The following PLAAT3 variants were observed in gnomAD, a reference collection of about 807,000 sequenced individuals.
The protein encoded by PLAAT3 is phospholipase A and acyltransferase 3.
Under a neutral mutation model 16.7 loss-of-function variants are expected in PLAAT3, and 21 were observed. The observed-to-expected ratio is 1.26, with a 90% CI of 0.89 to 1.81. PLAAT3 has a LOEUF of 1.81. PLAAT3 is among the 40% of genes most tolerant of loss of function. The pLI is 0.00. For missense variants in PLAAT3, 219 were observed against 213.7 expected (o/e 1.02, Z -0.16); for synonymous variants, 76 against 81.7 (o/e 0.93, Z 0.38).
intron 2 of PLAAT3, among the ~76,000 whole-genome samples, chr11:63,600,594 TTTG>T (rs1341223368): frequency 6.6e-6 from 1 of 151,146 alleles, no homozygotes. Context: ...TTTTTTTTGT[TTTG>T]TTTTGTTTTG....
chr11:63,584,701 G>A (rs1017574063), intron 4 of PLAAT3, among the ~76,000 whole-genome samples: 26 of 151,868 alleles, frequency 1.7e-4, no homozygotes, highest in Non-Finnish European at 2.9e-4. Flanking sequence ...TAGTAGAGAC[G>A]GGGTTTCACC....
At position 63,590,123 on chromosome 11, in the gene PLAAT3, A is replaced by G. The variant is rs989650040; in HGVS notation, c.364T>C (p.Tyr122His). The change falls in exon 4 of 5, where the codon TAT (tyrosine) becomes CAT (histidine). Residue 122 changes from tyrosine (Y) to histidine (H), a missense_variant. Physicochemically the swap from Tyr to His is moderately conservative, Grantham distance 83. Coordinates refer to ENST00000415826, the MANE Select transcript of PLAAT3 (RefSeq NM_001128203.2). ...NCEHFVNELR[Y>H]GVARSDQVRD... ...ACCTGGTCACTGCGGGCGACTCCAT[A>G]GCGCAGCTCATTCACAAAGTGCTCG... The G allele has an allele frequency of 6.2e-7, 1 of 1,614,046 alleles. No homozygotes were observed. Among genetic ancestry groups the G allele is most frequent in the African/African-American group, 1.3e-5 (1 of 74,936 alleles).
At chr11:63,581,273 T>C (rs930318069) in intron 4 of PLAAT3, among the ~76,000 whole-genome samples, 14 of 152,178 alleles carry the variant, frequency 9.2e-5, no homozygotes, top group African/African-American at 3.4e-4. Flanking sequence ...TAGAGCCATA[T>C]TTTTCTTCTT....
At chr11:63,614,656 T>A (rs182578761), upstream of PLAAT3, among the ~76,000 whole-genome samples, 1 of 152,058 alleles carries the variant, frequency 6.6e-6, no homozygotes, top group Non-Finnish European at 1.5e-5. Context: ...TGCAGGGCCA[T>A]GATGGGTTTA....
intron 2 of PLAAT3, among the ~76,000 whole-genome samples, chr11:63,605,720 T>C (rs1253303640): frequency 6.6e-6 from 1 of 151,722 alleles, no homozygotes; most frequent in Non-Finnish European, 1.5e-5. Flanking sequence ...GCCGGGCTAA[T>C]TTTTTGTATT....
upstream of PLAAT3, chr11:63,616,895 A>G (rs1289720772): frequency 6.6e-6 from 1 of 151,112 alleles, no homozygotes; most frequent in Non-Finnish European, 1.5e-5. Flanking sequence ...AGGCAAGAGA[A>G]TGGCGTGAAC....
chr11:63,592,464 C>T (rs934417901), intron 3 of PLAAT3, among the ~76,000 whole-genome samples: 5 of 152,186 alleles, frequency 3.3e-5, no homozygotes, highest in African/African-American at 4.8e-5. Flanking sequence ...GTGTGAGCCA[C>T]CACACCTGGC....
chr11:63,615,152 ATATATGTGTATATATGTGTG>A (rs1938819563), upstream of PLAAT3, among the ~76,000 whole-genome samples: 1 of 25,902 alleles, frequency 3.9e-5, no homozygotes, highest in African/African-American at 6.8e-5. Context: ...ATATGTGTGT[ATATATGTGTATATATGTGTG>A]TATATGTGTG....
upstream of PLAAT3, among the ~76,000 whole-genome samples, chr11:63,615,182 GTA>G (rs1160708888): frequency 2.2e-3 from 60 of 27,140 alleles, 14 homozygotes; most frequent in African/African-American, 5.4e-3. Flanking sequence ...GTATATGTGT[GTA>G]TATATATGTG....
In PLAAT3 at chr11:63,574,960, C is replaced by G; in HGVS notation, c.474G>C (p.Lys158Asn). 6.2e-7 allele frequency: 1 copy of G among 1,607,690 alleles called. No individual in the cohort carries two copies. The highest frequency in any genetic ancestry group is 1.7e-4 in the Middle Eastern group (1 of 6,052). Reference protein sequence around the residue: ...SLIGVMFSRNKRQKQ With the variant: ...SLIGVMFSRNNRQKQ ...TCTTTTTCAGTTATTGCTTTTGTCGCTTGTTTCTTGAGAACATGACTCCAA... is the reference window on the plus strand; with the variant it reads ...TCTTTTTCAGTTATTGCTTTTGTCGGTTGTTTCTTGAGAACATGACTCCAA... The change falls in exon 5 of 5, where the codon AAG (lysine) becomes AAC (asparagine). Residue 158 changes from lysine to asparagine, a missense_variant. By Grantham distance (94) the Lys-to-Asn change is moderately conservative. Transcript: ENST00000415826.
intron 4 of PLAAT3, among the ~76,000 whole-genome samples, chr11:63,576,026 G>T (rs1287239918): frequency 5.9e-5 from 9 of 152,150 alleles, no homozygotes; most frequent in Non-Finnish European, 1.3e-4. Context: ...ACAAACAAGG[G>T]ATTGAGAGAT....
At position 63,598,066 on chromosome 11, in the gene PLAAT3, G is replaced by T. The variant is rs970265236; in HGVS notation, c.113C>A (p.Pro38His). 3 of 1,608,194 alleles carry T rather than the reference G, an allele frequency of 1.9e-6. No individual in the cohort carries two copies. In the African/African-American group the frequency reaches 4.0e-5, roughly 21 times the overall value. The change falls in exon 3 of 5, where the codon CCT (proline) becomes CAT (histidine). Residue 38 changes from proline (P) to histidine (H), a missense_variant. By Grantham distance (77) the Pro-to-His change is moderately conservative (BLOSUM62 -2). Coordinates refer to ENST00000415826, the MANE Select transcript of PLAAT3 (RefSeq NM_001128203.2). ...VGDGYVVHLA[P>H]PSEVAGAGAA... ...GAGGTCCCATGTGTTCTTACTTGGAGGGGCCAGATGAACCACATATCCATC... is the reference window on the plus strand; with the variant it reads ...GAGGTCCCATGTGTTCTTACTTGGATGGGCCAGATGAACCACATATCCATC...
At chr11:63,610,861 C>G (rs892569079) in intron 2 of PLAAT3, among the ~76,000 whole-genome samples, 5 of 152,076 alleles carry the variant, frequency 3.3e-5, no homozygotes, top group African/African-American at 1.2e-4. Context: ...CCCACTCATT[C>G]TAGCAAATTT....
Position 63,593,139 on chromosome 11 carries a change from C to T in PLAAT3, c.119-2771G>A, listed in dbSNP as rs1031788483. On this transcript the variant is annotated intron_variant, in intron 3 of 4. Transcript: ENST00000415826. Reference sequence around the variant, plus strand: ...TTGTCCAAGGTGCTGAAGTCAGTGACGTGATCTGGACAGCAGGCCTGCCCT... The same window carrying T: ...TTGTCCAAGGTGCTGAAGTCAGTGATGTGATCTGGACAGCAGGCCTGCCCT... Among the ~76,000 whole-genome samples, 5 of 152,290 alleles carry T rather than the reference C, an allele frequency of 3.3e-5. No homozygotes were observed. In the South Asian group the frequency reaches 8.3e-4, roughly 25 times the overall value.
At chr11:63,616,767 AG>A (rs1938884840), upstream of PLAAT3, 1 of 151,970 alleles carries the variant, frequency 6.6e-6, no homozygotes, top group South Asian at 2.1e-4. Context: ...GTGGATCACG[AG>A]GTCAGGAGAT....
At chr11:63,589,088 C>G (rs75562506) in intron 4 of PLAAT3, among the ~76,000 whole-genome samples, 147 of 150,580 alleles carry the variant, frequency 9.8e-4, no homozygotes, top group African/African-American at 3.4e-3. Flanking sequence ...TAAACATGCT[C>G]TTATTTAATT....
In PLAAT3 at chr11:63,574,964, T is replaced by C. The variant is rs2017639451; in HGVS notation, c.470A>G (p.Asn157Ser). The C allele has an allele frequency of 1.2e-6, 2 of 1,609,880 alleles. No homozygotes were observed. Among genetic ancestry groups the C allele is most frequent in the African/African-American group, 1.3e-5 (1 of 74,830 alleles). The change falls in exon 5 of 5, where the codon AAC (asparagine) becomes AGC (serine). Residue 157 changes from asparagine (N) to serine (S), a missense_variant. Physicochemically the swap from Asn to Ser is conservative, Grantham distance 46. Transcript: ENST00000415826. ...MSLIGVMFSR[N>S]KRQKQ is the part of the protein sequence containing the mutation. ...TTTCAGTTATTGCTTTTGTCGCTTG[T>C]TTCTTGAGAACATGACTCCAATAAG...
chr11:63,587,261 C>T (rs1209307930), intron 4 of PLAAT3, among the ~76,000 whole-genome samples: 5 of 151,808 alleles, frequency 3.3e-5, no homozygotes, highest in East Asian at 1.9e-4. Flanking sequence ...AAAATAGACC[C>T]GTGCAAGGTA....
chr11:63,603,464 A>C (rs886552900), intron 2 of PLAAT3, among the ~76,000 whole-genome samples: 9 of 152,148 alleles, frequency 5.9e-5, no homozygotes, highest in Non-Finnish European at 4.4e-5. Context: ...AAGCAAACTG[A>C]GGAGCAATTT....
Sources: allele counts gnomAD v4.1 joint callset (sites outside exome capture counted in the v4.1 genomes callset), GRCh38; gene constraint gnomAD v4.1.1; transcripts MANE v1.5; gene names NCBI Gene and HGNC (gene_info 2026-07-23, HGNC 2026-07-21).